Variants in POLR2F observed in about 807,000 individuals in gnomAD.
POLR2F encodes the protein DNA-directed RNA polymerases I, II, and III subunit RPABC2.
Under a neutral mutation model 22.7 loss-of-function variants are expected in POLR2F, and 12 were observed. The ratio of observed to expected loss-of-function variants is 0.53; its 90% CI spans 0.34 to 0.86. POLR2F has a LOEUF of 0.86. Among genes scored for constraint, POLR2F ranks in the 40% least tolerant of loss-of-function variants. POLR2F has a pLI of 0.02. For synonymous variants in POLR2F, 57 were observed against 66.0 expected, an observed-to-expected ratio of 0.86 and a Z score of 0.66; for missense variants, 126 against 171.5, an observed-to-expected ratio of 0.73 and a Z score of 1.48.
chr22:37,986,033 T>C, upstream of POLR2F: 1 of 1,278,710 alleles, frequency 7.8e-7, no homozygotes, highest in Non-Finnish European at 9.9e-7. This position sits in a 1 kb window ranked among gnomAD's most constrained non-coding sequence, Gnocchi z 4.7. Flanking sequence ...CCGCCTCCCT[T>C]CTCTTCCCTG....
intron 1 of POLR2F, among the ~76,000 whole-genome samples, chr22:37,998,072 G>A (rs918138359): frequency 2.6e-5 from 4 of 152,156 alleles, no homozygotes; most frequent in Non-Finnish European, 5.9e-5. Context: ...GAGTGGAGGG[G>A]TATGTTCTTC....
At chr22:38,040,621 C>T (rs2085163237) in intron 5 of POLR2F, 1 of 184,910 alleles carries the variant, frequency 5.4e-6, no homozygotes, top group Admixed American at 5.6e-5. Flanking sequence ...TACTGTTTTC[C>T]TAGCACCTAG....
At chr22:37,985,403 C>T (rs1188559528), upstream of POLR2F, among the ~76,000 whole-genome samples, 1 of 152,050 alleles carries the variant, frequency 6.6e-6, no homozygotes, top group African/African-American at 2.4e-5. Context: ...GGGACTTGCC[C>T]TGCCTCTTCC....
chr22:38,024,957 C>T (rs2084993803), intron 1 of POLR2F, among the ~76,000 whole-genome samples: 2 of 152,008 alleles, frequency 1.3e-5, no homozygotes, highest in Admixed American at 1.3e-4. Context: ...GCTGGCTCAA[C>T]CATTGGTGCC....
chr22:38,006,740 G>C (rs2084824823), intron 1 of POLR2F, among the ~76,000 whole-genome samples: 2 of 152,140 alleles, frequency 1.3e-5, no homozygotes, highest in African/African-American at 4.8e-5. Context: ...ACAGAACTTG[G>C]GTCAGCAACC....
rs1421683315 is a variant in POLR2F, at chr22:37,978,933, C to T, written c.293+11763C>T. 2.0e-5 allele frequency among the ~76,000 whole-genome samples: 3 copies of T among 151,810 alleles called. No individual in the cohort carries two copies. Among genetic ancestry groups the T allele is most frequent in the Admixed American group, 6.6e-5 (1 of 15,240 alleles). ...CTGGGATTACAAGCATGCGCCACCA[C>T]GCCCGGTTAATTTTTGTATTTTTAG... On this transcript the variant is annotated intron_variant, in intron 4 of 4. Transcript: ENST00000405557. The surrounding 1 kb of genome is among the most constrained non-coding windows in gnomAD (Gnocchi z 5.0).
chr22:37,974,121 C>G (rs1932150045), downstream of POLR2F: 1 of 1,612,946 alleles, frequency 6.2e-7, no homozygotes, highest in Admixed American at 1.7e-5. This position sits in a 1 kb window ranked among gnomAD's most constrained non-coding sequence, Gnocchi z 5.4. Flanking sequence ...GAGCGCCCGT[C>G]CCGCTTCGGG....
upstream of POLR2F, among the ~76,000 whole-genome samples, chr22:37,985,596 G>A (rs1168854223): frequency 6.6e-6 from 1 of 152,164 alleles, no homozygotes; most frequent in South Asian, 2.1e-4. Flanking sequence ...AATGGAGCTG[G>A]GGTCGCATTG....
chr22:37,964,984 G>T lies in POLR2F; in HGVS notation c.222-2115G>T, dbSNP rs187198365. Reference sequence around the variant, plus strand: ...TCTGGTGGCTCCTTGCCTGCTGTAAGCTCTTGTACAGCCATAATGGGACTC... The same window carrying T: ...TCTGGTGGCTCCTTGCCTGCTGTAATCTCTTGTACAGCCATAATGGGACTC... On this transcript the variant is annotated intron_variant, in intron 3 of 4. Coordinates refer to ENST00000442738, the MANE Select transcript of POLR2F (RefSeq NM_021974.5). Among the ~76,000 whole-genome samples, 5 of 152,264 alleles carry T rather than the reference G, an allele frequency of 3.3e-5. No individual in the cohort carries two copies. In the East Asian group the frequency reaches 9.7e-4, roughly 29 times the overall value.
chr22:37,992,848 T>C (rs1932752135), intron 1 of POLR2F, among the ~76,000 whole-genome samples: 1 of 152,268 alleles, frequency 6.6e-6, no homozygotes, highest in African/African-American at 2.4e-5. Context: ...AGCAAGTGAC[T>C]GAGCTCACAT....
chr22:37,969,976 T>G (rs1258234854), downstream of POLR2F, among the ~76,000 whole-genome samples: 1 of 152,136 alleles, frequency 6.6e-6, no homozygotes, highest in African/African-American at 2.4e-5. Flanking sequence ...TAGACAGTTT[T>G]AGAACTGATT....
rs1043917694 is a variant in POLR2F, at chr22:38,026,526, G to A, written c.*216G>A. On this transcript the variant is annotated 3_prime_UTR_variant, in exon 3 of 3. Transcript: ENST00000333418. ...ATTCTGAGAGCAGAGGAGGGAAGGC[G>A]GGATGGCCCCTCTTTCCCCACCGCC... is the stretch of plus-strand genomic sequence containing the variant. 102 of 341,208 alleles carry A rather than the reference G, an allele frequency of 3.0e-4. 2 individuals carry two copies. Among genetic ancestry groups the A allele is most frequent in the South Asian group, 2.3e-3 (101 of 44,776 alleles). The allele number at this position is 341,208 out of a possible 1,614,324, so 21.1% of individuals were successfully genotyped here.
At chr22:37,967,371 A>T (rs1931897428) in intron 4 of POLR2F, 3 of 1,446,122 alleles carry the variant, frequency 2.1e-6, no homozygotes, top group Non-Finnish European at 2.7e-6. Context: ...TGAGACATGG[A>T]CGTCTTCTGG....
chr22:38,030,527 C>T (rs1460576611), downstream of POLR2F, among the ~76,000 whole-genome samples: 2 of 152,220 alleles, frequency 1.3e-5, no homozygotes, highest in Admixed American at 1.3e-4. Flanking sequence ...TTGCCCAAGA[C>T]TGCTAGTGCT....
upstream of POLR2F, chr22:37,986,091 C>T (rs925188948): frequency 8.0e-5 from 113 of 1,419,780 alleles, no homozygotes; most frequent in Non-Finnish European, 9.9e-5. This position sits in a 1 kb window ranked among gnomAD's most constrained non-coding sequence, Gnocchi z 4.7. Flanking sequence ...TGTCTTTGTT[C>T]GAAATACAGG....
chr22:38,000,748 G>C (rs1177434278), intron 1 of POLR2F, among the ~76,000 whole-genome samples: 1 of 152,190 alleles, frequency 6.6e-6, no homozygotes, highest in Non-Finnish European at 1.5e-5. Context: ...CATGCTCAAA[G>C]TGAAACCAGC....
downstream of POLR2F, chr22:37,973,670 C>T: frequency 6.2e-7 from 1 of 1,613,256 alleles, no homozygotes; most frequent in South Asian, 1.1e-5. Context: ...ATAATAGGGT[C>T]CTGAGGGCTG....
downstream of POLR2F, among the ~76,000 whole-genome samples, chr22:37,971,748 G>A (rs952027287): frequency 2.6e-5 from 4 of 152,050 alleles, no homozygotes; most frequent in Admixed American, 6.5e-5. Flanking sequence ...CAGGCAGCAC[G>A]GTGTCACCCT....
At chr22:38,034,996 C>T (rs940735816) in intron 5 of POLR2F, among the ~76,000 whole-genome samples, 2 of 151,978 alleles carry the variant, frequency 1.3e-5, no homozygotes, top group African/African-American at 4.8e-5. Context: ...AGCAGATTCC[C>T]TTGTGCTGGT....
Sources: gnomAD v4.1 joint callset for allele counts (sites outside exome capture counted in the v4.1 genomes callset) on GRCh38, gnomAD v4.1.1 for gene constraint, Gnocchi (gnomAD v3.1) non-coding constraint, MANE v1.5 for transcripts, NCBI Gene and HGNC (gene_info 2026-07-23, HGNC 2026-07-21) for gene names.